The following VPS8 variants were observed in gnomAD, a reference collection of about 807,000 sequenced individuals.
The protein encoded by VPS8 is VPS8 subunit of CORVET complex, also known as vacuolar protein sorting-associated protein 8 homolog.
VPS8 carries 129 observed loss-of-function variants against 216.4 expected under a neutral mutation model. That is an observed-to-expected ratio of 0.60 (90% confidence interval 0.52 to 0.69). The LOEUF is 0.69. VPS8 is among the 30% of genes least tolerant of loss of function. The pLI is 0.00. For synonymous variants in VPS8, 571 were observed against 565.4 expected (o/e 1.01, Z -0.14); for missense variants, 1,531 against 1,683.5 (o/e 0.91, Z 1.59).
At chr3:185,002,026 G>C (rs1030955966) in intron 45 of VPS8, among the ~76,000 whole-genome samples, 5 of 152,192 alleles carry the variant, frequency 3.3e-5, no homozygotes, top group African/African-American at 7.2e-5. Context: ...AAAAGAAAAG[G>C]AGTAAGCTAG....
intron 25 of VPS8, among the ~76,000 whole-genome samples, chr3:184,906,366 A>G (rs547742288): frequency 1.3e-5 from 2 of 152,266 alleles, no homozygotes; most frequent in East Asian, 1.9e-4. Flanking sequence ...AGAATGTTCT[A>G]TGTGCACTTG....
intron 25 of VPS8, among the ~76,000 whole-genome samples, chr3:184,906,267 T>G (rs559615568): frequency 2.0e-5 from 3 of 152,330 alleles, no homozygotes; most frequent in Admixed American, 2.0e-4. Flanking sequence ...CTACTTTTTT[T>G]TGTGGTCAGA....
rs765814705 is a variant in VPS8 at position 184,924,926 on chromosome 3, G to A, written c.2519G>A (p.Arg840Gln). 9.3e-6 allele frequency: 15 copies of A among 1,613,292 alleles called. No homozygotes were observed. The Admixed American group carries it at 1.3e-4, about 14-fold the overall frequency. ...QVGCLFTFLA[R>Q]QLAKPDNTLF... is the part of the protein sequence containing the mutation. ...GGATGTCTCTTTACCTTCCTTGCTC[G>A]GCAGCTTGCAAAGCCTGACAACACC... is the stretch of plus-strand genomic sequence containing the variant. Residue 840 changes from arginine (R) to glutamine (Q), a missense_variant, in exon 30 of 48, where the codon CGG (arginine) becomes CAG (glutamine). By Grantham distance (43) the Arg-to-Gln change is conservative (BLOSUM62 1). Coordinates refer to ENST00000625842, the MANE Select transcript of VPS8 (RefSeq NM_001009921.3).
At chr3:185,028,383 AT>A (rs2110097543) in intron 46 of VPS8, among the ~76,000 whole-genome samples, 1 of 152,326 alleles carries the variant, frequency 6.6e-6, no homozygotes, top group East Asian at 1.9e-4. Context: ...TGAGTAACAC[AT>A]TGTCAGAAAT....
intron 22 of VPS8, among the ~76,000 whole-genome samples, chr3:184,890,452 T>TTA (rs1385200146): frequency 1.3e-5 from 2 of 152,082 alleles, no homozygotes; most frequent in Non-Finnish European, 2.9e-5. Flanking sequence ...TTTTCACATA[T>TTA]TATATTGTTT....
At chr3:184,938,266 T>G (rs1741990774) in intron 35 of VPS8, among the ~76,000 whole-genome samples, 1 of 152,190 alleles carries the variant, frequency 6.6e-6, no homozygotes, top group South Asian at 2.1e-4. Context: ...GTCCATTAAC[T>G]CAAGAAAAAG....
Position 185,052,199 on chromosome 3 carries a change from G to T in VPS8, c.*174G>T. 1 of 605,740 alleles carries T rather than the reference G, an allele frequency of 1.7e-6. No individual in the cohort carries two copies. The highest frequency in any genetic ancestry group is 2.7e-6 in the Non-Finnish European group (1 of 369,400). 37.5% of individuals were successfully genotyped at this position (605,740 alleles called of 1,614,324 possible). Reference sequence around the variant, plus strand: ...GCACCATTCCCAGTGTAGACTCCCAGTCTTCTCCACATTGCTGTCATGGCG... The same window carrying T: ...GCACCATTCCCAGTGTAGACTCCCATTCTTCTCCACATTGCTGTCATGGCG... On this transcript the variant is annotated 3_prime_UTR_variant, in exon 48 of 48. Coordinates refer to ENST00000625842, the MANE Select transcript of VPS8 (RefSeq NM_001009921.3).
intron 46 of VPS8, among the ~76,000 whole-genome samples, chr3:185,026,701 CTTTTTTTTTTTTT>C (rs1165255623): frequency 2.3e-5 from 2 of 85,966 alleles, no homozygotes; most frequent in African/African-American, 4.5e-5. Flanking sequence ...GAGCCACTGT[CTTTTTTTTTTTTT>C]TTTTTTTTTT....
intron 34 of VPS8, among the ~76,000 whole-genome samples, chr3:184,933,527 TTGTG>T: frequency 6.7e-6 from 1 of 150,168 alleles, no homozygotes; most frequent in East Asian, 1.9e-4. Flanking sequence ...CTTTCGATCT[TTGTG>T]TGTGTGTGTG....
At chr3:184,981,792 G>A (rs1373689345) in intron 40 of VPS8, among the ~76,000 whole-genome samples, 1 of 152,078 alleles carries the variant, frequency 6.6e-6, no homozygotes, top group Non-Finnish European at 1.5e-5. Context: ...TTAGAGTCAG[G>A]TAATTGACTG....
At chr3:185,050,037 G>T (rs1561279459) in intron 47 of VPS8, among the ~76,000 whole-genome samples, 1 of 151,722 alleles carries the variant, frequency 6.6e-6, no homozygotes, top group Non-Finnish European at 1.5e-5. Context: ...GCTTCAAACT[G>T]TTGAGCCCTT....
intron 45 of VPS8, among the ~76,000 whole-genome samples, chr3:185,009,876 G>T (rs1172909447): frequency 1.3e-5 from 2 of 151,634 alleles, no homozygotes; most frequent in East Asian, 3.9e-4. Context: ...GGAGTATTAG[G>T]TGAGAGCCAT....
chr3:184,939,134 C>A (rs546410057), intron 35 of VPS8, among the ~76,000 whole-genome samples: 64 of 151,850 alleles, frequency 4.2e-4, no homozygotes, highest in African/African-American at 1.5e-3. Flanking sequence ...TGCAAGAATC[C>A]CACATAGATC....
chr3:184,850,133 G>A (rs373378710), intron 10 of VPS8, 111 bp downstream of exon 10: 3 of 792,028 alleles, frequency 3.8e-6, no homozygotes, highest in South Asian at 3.7e-5. Flanking sequence ...TATTTAACAT[G>A]AAGCTGAACA....
chr3:184,904,014 T>C (rs560639092), intron 25 of VPS8, among the ~76,000 whole-genome samples: 11 of 152,290 alleles, frequency 7.2e-5, no homozygotes, highest in Middle Eastern at 3.4e-3. Flanking sequence ...CTGTTATAAA[T>C]GAAATTGTTT....
chr3:184,971,556 G>A, intron 39 of VPS8, 93 bp from the exon 40 acceptor site: 2 of 800,100 alleles, frequency 2.5e-6, no homozygotes, highest in East Asian at 2.9e-5. Context: ...AAATGAAGGT[G>A]ATGCAAAGAA....
intron 36 of VPS8, among the ~76,000 whole-genome samples, chr3:184,943,744 G>A (rs766662413): frequency 7.2e-5 from 11 of 152,170 alleles, no homozygotes; most frequent in Non-Finnish European, 1.5e-4. Flanking sequence ...TGCTCTTGCC[G>A]CCAACACCTG....
At chr3:184,973,099 A>C (rs1748689617) in intron 40 of VPS8, among the ~76,000 whole-genome samples, 1 of 152,252 alleles carries the variant, frequency 6.6e-6, no homozygotes, top group Non-Finnish European at 1.5e-5. Flanking sequence ...GCCTAGTTAC[A>C]TAAATGTGAT....
chr3:184,873,223 ATAT>A (rs1265630996), intron 21 of VPS8, among the ~76,000 whole-genome samples: 8 of 152,248 alleles, frequency 5.3e-5, no homozygotes, highest in Admixed American at 5.2e-4. Flanking sequence ...TTCCAAGGTA[ATAT>A]TGCAGTAAAT....
Sources: allele counts gnomAD v4.1 joint callset (sites outside exome capture counted in the v4.1 genomes callset), GRCh38; gene constraint gnomAD v4.1.1; transcripts MANE v1.5; gene names NCBI Gene and HGNC (gene_info 2026-07-23, HGNC 2026-07-21).